The following PTK2 variants were observed in gnomAD, a reference collection of about 807,000 sequenced individuals.
PTK2 encodes protein tyrosine kinase 2.
A neutral mutation model predicts 150.1 loss-of-function variants in PTK2; 45 were observed. The ratio of observed to expected loss-of-function variants is 0.30; its 90% CI spans 0.24 to 0.38. PTK2 has a LOEUF of 0.38. Among genes scored for constraint, PTK2 ranks in the 10% least tolerant of loss-of-function variants. The pLI is 1.00. For synonymous variants in PTK2, 432 were observed against 449.2 expected (o/e 0.96, Z 0.48); for missense variants, 919 against 1,307.3 (o/e 0.70, Z 4.58).
intron 20 of PTK2, among the ~76,000 whole-genome samples, chr8:140,742,754 A>T (rs1216478941): frequency 6.6e-6 from 1 of 152,338 alleles, no homozygotes; most frequent in Admixed American, 6.5e-5. Context: ...ATTCTAGATA[A>T]TAGCTTTGTC....
chr8:140,739,807 T>C (rs1593058353), intron 20 of PTK2, among the ~76,000 whole-genome samples: 1 of 152,176 alleles, frequency 6.6e-6, no homozygotes, highest in Non-Finnish European at 1.5e-5. Context: ...GACCCTGTCT[T>C]CCCTCCTCTG....
chr8:140,865,631 T>G lies in PTK2; in HGVS notation c.363-1232A>C, dbSNP rs111259494. On this transcript the variant is annotated intron_variant, in intron 4 of 31. Coordinates refer to ENST00000522684, the Ensembl canonical transcript of PTK2. ...TGTCCATCTTATTAAAATACAAAAT[T>G]GCCAAACAATTCGGTTTCATTTCAC... Among the ~76,000 whole-genome samples, 522 of 152,318 alleles carry G rather than the reference T, an allele frequency of 3.4e-3. 6 individuals are homozygous for G. The highest frequency in any genetic ancestry group is 0.012 in the African/African-American group (493 of 41,576).
chr8:140,682,890 A>T (rs549182809), intron 27 of PTK2, among the ~76,000 whole-genome samples: 165 of 152,260 alleles, frequency 1.1e-3, no homozygotes, highest in Non-Finnish European at 1.6e-3. Flanking sequence ...AACATCTACA[A>T]CAAAAAGTTA....
At chr8:140,908,854 A>T (rs2100161995) in intron 2 of PTK2, among the ~76,000 whole-genome samples, 1 of 152,202 alleles carries the variant, frequency 6.6e-6, no homozygotes, top group African/African-American at 2.4e-5. Context: ...ATTTCACTTA[A>T]TTCTCAATTT....
intron 31 of PTK2, chr8:140,663,015 G>A (rs1438686339): frequency 1.6e-5 from 6 of 373,494 alleles, no homozygotes; most frequent in Non-Finnish European, 1.9e-5. Context: ...CACAGGCGAC[G>A]GAAAAGTGCT....
chr8:140,894,198 C>T (rs2100155191), intron 2 of PTK2, among the ~76,000 whole-genome samples: 1 of 152,158 alleles, frequency 6.6e-6, no homozygotes, highest in Non-Finnish European at 1.5e-5. Flanking sequence ...AGCATGCTTC[C>T]TCTCTCTGCT....
chr8:140,792,550 G>A (rs895917364), intron 13 of PTK2, among the ~76,000 whole-genome samples: 3 of 152,308 alleles, frequency 2.0e-5, no homozygotes, highest in Middle Eastern at 3.4e-3. Flanking sequence ...TAGATCTTGG[G>A]GAACCCCAAC....
At chr8:140,857,901 T>C (rs1477752316) in intron 5 of PTK2, among the ~76,000 whole-genome samples, 1 of 151,924 alleles carries the variant, frequency 6.6e-6, no homozygotes, top group East Asian at 1.9e-4. Flanking sequence ...AGTTCAGAAC[T>C]CACACACAAG....
At chr8:140,801,612 T>C (rs893140643) in intron 11 of PTK2, among the ~76,000 whole-genome samples, 3 of 152,180 alleles carry the variant, frequency 2.0e-5, no homozygotes, top group Admixed American at 6.5e-5. Context: ...TGACACAGCT[T>C]CTCTTGGCTT....
chr8:140,821,366 G>C (rs1192024660), intron 8 of PTK2: 1 of 152,294 alleles, frequency 6.6e-6, no homozygotes, highest in Non-Finnish European at 1.5e-5. Context: ...CCCCAAGGTA[G>C]TGGTGAAGAA....
intron 2 of PTK2, among the ~76,000 whole-genome samples, chr8:140,922,348 G>A (rs1299673498): frequency 6.6e-6 from 1 of 151,728 alleles, no homozygotes; most frequent in Non-Finnish European, 1.5e-5. Flanking sequence ...GGAAGAAAGG[G>A]GCTCCAGAAA....
intron 7 of PTK2, among the ~76,000 whole-genome samples, chr8:140,834,616 A>C (rs2100117563): frequency 6.6e-6 from 1 of 152,216 alleles, no homozygotes; most frequent in African/African-American, 2.4e-5. Flanking sequence ...AGGCACTATA[A>C]CAGATCATGG....
At chr8:140,986,731 C>A (rs973165437) in intron 1 of PTK2, among the ~76,000 whole-genome samples, 1 of 152,162 alleles carries the variant, frequency 6.6e-6, no homozygotes, top group Non-Finnish European at 1.5e-5. Context: ...GGGGTCCAAA[C>A]AATCTCAAGC....
chr8:140,708,208 T>C (rs1289259339), intron 23 of PTK2, among the ~76,000 whole-genome samples: 1 of 152,102 alleles, frequency 6.6e-6, no homozygotes, highest in Non-Finnish European at 1.5e-5. Context: ...CGCCTTAGTG[T>C]CTGTCTCTCT....
intron 14 of PTK2, among the ~76,000 whole-genome samples, chr8:140,785,666 G>A (rs912398903): frequency 2.0e-5 from 3 of 152,196 alleles, no homozygotes; most frequent in African/African-American, 7.2e-5. Flanking sequence ...CAGTACAGGG[G>A]AGCAAACTCT....
intron 5 of PTK2, among the ~76,000 whole-genome samples, chr8:140,847,066 T>A (rs1156402892): frequency 2.6e-5 from 4 of 152,198 alleles, no homozygotes. Context: ...GAATAGGGTC[T>A]GAATCATAAT....
chr8:140,739,565 C>A (rs1359313591), intron 20 of PTK2, among the ~76,000 whole-genome samples: 1 of 152,226 alleles, frequency 6.6e-6, no homozygotes, highest in Non-Finnish European at 1.5e-5. Context: ...AGAACCCCTG[C>A]TCTCAGGAGA....
intron 3 of PTK2, among the ~76,000 whole-genome samples, chr8:140,881,787 T>C (rs1046390702): frequency 3.3e-5 from 5 of 152,186 alleles, no homozygotes; most frequent in Non-Finnish European, 7.4e-5. Flanking sequence ...AGCACACATA[T>C]AGGAGACCTG....
In PTK2 at chr8:140,971,934, T is replaced by C. The variant is rs141642601; in HGVS notation, c.-122+29191A>G. 3.6e-3 allele frequency among the ~76,000 whole-genome samples: 544 copies of C among 152,330 alleles called. 3 individuals are homozygous for C. The highest frequency in any genetic ancestry group is 0.012 in the African/African-American group (516 of 41,564). ...AGGAAGTGATTAATCTGCAATGCAA[T>C]AACATGCTAGAAGGCAATTATCAAG... On this transcript the variant is annotated intron_variant, in intron 1 of 31. Coordinates refer to ENST00000522684, the Ensembl canonical transcript of PTK2.
Sources: gnomAD v4.1 joint callset for allele counts (sites outside exome capture counted in the v4.1 genomes callset) on GRCh38, gnomAD v4.1.1 for gene constraint, MANE v1.5 for transcripts, NCBI Gene and HGNC (gene_info 2026-07-23, HGNC 2026-07-21) for gene names.